The following CALN1 variants were observed in gnomAD, a reference collection of about 807,000 sequenced individuals.
CALN1 encodes calneuron 1, also known as calcium-binding protein 8.
CALN1 carries 17 observed loss-of-function variants against 30.6 expected under a neutral mutation model. The observed-to-expected ratio is 0.56, with a 90% CI of 0.38 to 0.83. The LOEUF (loss-of-function observed/expected upper bound fraction) is 0.83. CALN1 is among the 40% of genes least tolerant of loss of function. The probability of loss-of-function intolerance (pLI) is 0.00; values close to 1 mark genes in which losing one functional copy is unlikely to be tolerated. For synonymous variants in CALN1, 156 were observed against 131.4 expected, an observed-to-expected ratio of 1.19 and a Z score of -1.28; for missense variants, 291 against 354.9, an observed-to-expected ratio of 0.82 and a Z score of 1.45.
At chr7:72,001,304 A>G (rs897798490) in intron 5 of CALN1, among the ~76,000 whole-genome samples, 1 of 152,330 alleles carries the variant, frequency 6.6e-6, no homozygotes, top group East Asian at 1.9e-4. Context: ...CAGCTTCTCA[A>G]TAAGATCTCA....
intron 3 of CALN1, among the ~76,000 whole-genome samples, chr7:72,242,795 G>A (rs1406846110): frequency 6.6e-6 from 1 of 152,144 alleles, no homozygotes; most frequent in Non-Finnish European, 1.5e-5. Flanking sequence ...GGCTGAGGCA[G>A]GAGAATTGCT....
rs537055531 is a variant in CALN1, at chr7:71,970,952, T to C, written c.501+52705A>G. Among the ~76,000 whole-genome samples, 358 of 152,300 alleles carry C rather than the reference T, an allele frequency of 2.4e-3. 2 individuals carry two copies. The highest frequency in any genetic ancestry group is 3.7e-3 in the Non-Finnish European group (253 of 68,028). Reference sequence around the variant, plus strand: ...CACCTAGATTCCAAGCCTGTGCAGGTTCACTCGGCATTCCCAGCGGAGGCA... The same window carrying C: ...CACCTAGATTCCAAGCCTGTGCAGGCTCACTCGGCATTCCCAGCGGAGGCA... On this transcript the variant is annotated intron_variant, in intron 5 of 6. Transcript: ENST00000395275.
chr7:72,064,050 G>T (rs1002390850), intron 4 of CALN1, among the ~76,000 whole-genome samples: 5 of 152,312 alleles, frequency 3.3e-5, no homozygotes, highest in Middle Eastern at 3.4e-3. Flanking sequence ...AAGGCAGGCA[G>T]ATCACCTGAG....
chr7:72,285,293 G>A (rs1798011357), intron 2 of CALN1, among the ~76,000 whole-genome samples: 1 of 152,178 alleles, frequency 6.6e-6, no homozygotes, highest in Non-Finnish European at 1.5e-5. Flanking sequence ...TGCCCAGGCT[G>A]GAGTGCAGTG....
At chr7:72,192,544 C>A (rs1790683700) in intron 3 of CALN1, among the ~76,000 whole-genome samples, 1 of 152,000 alleles carries the variant, frequency 6.6e-6, no homozygotes, top group Non-Finnish European at 1.5e-5. Context: ...GACAGGAATG[C>A]AAAGAACAGC....
chr7:72,035,948 T>G (rs1393853776), intron 4 of CALN1, among the ~76,000 whole-genome samples: 1 of 152,230 alleles, frequency 6.6e-6, no homozygotes, highest in Non-Finnish European at 1.5e-5. Context: ...CTTTATTGCT[T>G]CATATGGCTT....
At chr7:72,021,328 A>G (rs1319972920) in intron 5 of CALN1, among the ~76,000 whole-genome samples, 1 of 152,066 alleles carries the variant, frequency 6.6e-6, no homozygotes. Context: ...ATGGAGAATG[A>G]GAGAAAGAAG....
chr7:72,355,297 G>A (rs560012896), intron 2 of CALN1, among the ~76,000 whole-genome samples: 23 of 152,294 alleles, frequency 1.5e-4, no homozygotes, highest in African/African-American at 3.1e-4. Flanking sequence ...AGGCCAAAGC[G>A]GGCGGACCAC....
chr7:72,120,304 C>CTATA (rs745619470), intron 3 of CALN1, among the ~76,000 whole-genome samples: 14 of 152,156 alleles, frequency 9.2e-5, no homozygotes, highest in Non-Finnish European at 1.9e-4. Context: ...ATCATGCTCT[C>CTATA]TATATAGCTT....
At chr7:72,087,665 G>A (rs1246502811) in intron 4 of CALN1, among the ~76,000 whole-genome samples, 1 of 152,102 alleles carries the variant, frequency 6.6e-6, no homozygotes, top group African/African-American at 2.4e-5. Flanking sequence ...CCTCCAAGTA[G>A]TGAAGCAGGA....
intron 5 of CALN1, among the ~76,000 whole-genome samples, chr7:71,825,820 G>A (rs1788875489): frequency 6.6e-6 from 1 of 151,962 alleles, no homozygotes; most frequent in African/African-American, 2.4e-5. Flanking sequence ...TTCACTCGAG[G>A]TCAGGAGTTC....
intron 3 of CALN1, among the ~76,000 whole-genome samples, chr7:72,137,222 G>C (rs1014763100): frequency 6.6e-6 from 1 of 152,190 alleles, no homozygotes; most frequent in African/African-American, 2.4e-5. Flanking sequence ...TCTGGTCAGA[G>C]AGGGGTTTAT....
chr7:72,494,003 A>T, the CALN1 span, among the ~76,000 whole-genome samples: 31,940 of 152,122 alleles, frequency 0.21, 3,565 homozygotes, highest in East Asian at 0.35. Context: ...CAGCCTGGGC[A>T]ACATAGAGAG....
intron 3 of CALN1, among the ~76,000 whole-genome samples, chr7:72,209,002 C>CTCTTTCCT (rs1792111476): frequency 7.7e-6 from 1 of 130,578 alleles, no homozygotes; most frequent in African/African-American, 3.0e-5. Context: ...CCTTCCTTCC[C>CTCTTTCCT]TCCTTCCCTC....
chr7:72,416,487 G>A (rs773579596), upstream of CALN1, among the ~76,000 whole-genome samples: 2 of 152,114 alleles, frequency 1.3e-5, no homozygotes, highest in South Asian at 2.1e-4. Context: ...TAATCCCAGC[G>A]CTTTGCGAGG....
upstream of CALN1, among the ~76,000 whole-genome samples, chr7:72,448,846 C>A (rs965706084): frequency 3.9e-5 from 6 of 152,294 alleles, no homozygotes; most frequent in South Asian, 2.1e-4. Flanking sequence ...ACCTCATGAT[C>A]TTCCCCCCTC....
chr7:72,328,126 AT>A (rs979942005), intron 2 of CALN1, among the ~76,000 whole-genome samples: 14 of 151,760 alleles, frequency 9.2e-5, no homozygotes, highest in African/African-American at 3.2e-4. Flanking sequence ...TAAAAAAAAA[AT>A]GTTTACTTTC....
At chr7:72,361,553 T>C (rs142314905) in intron 2 of CALN1, among the ~76,000 whole-genome samples, 2 of 152,230 alleles carry the variant, frequency 1.3e-5, no homozygotes, top group South Asian at 2.1e-4. Flanking sequence ...ACTCCAGAGA[T>C]TAATTTGTAC....
intron 4 of CALN1, among the ~76,000 whole-genome samples, chr7:72,092,875 A>G (rs1805967370): frequency 1.3e-5 from 2 of 152,144 alleles, no homozygotes; most frequent in Admixed American, 6.6e-5. Context: ...CTAACATGGA[A>G]GGAGAGACGG....
Sources: gnomAD v4.1 joint callset for allele counts (sites outside exome capture counted in the v4.1 genomes callset) on GRCh38, gnomAD v4.1.1 for gene constraint, MANE v1.5 for transcripts, NCBI Gene and HGNC (gene_info 2026-07-23, HGNC 2026-07-21) for gene names.